Variants in SYNE1 observed in about 807,000 individuals in gnomAD.
The protein encoded by SYNE1 is spectrin repeat containing nuclear envelope protein 1, also known as nesprin-1.
A neutral mutation model predicts 1,111.0 loss-of-function variants in SYNE1; 616 were observed. The observed-to-expected ratio is 0.55, with a 90% CI of 0.52 to 0.59. The LOEUF (loss-of-function observed/expected upper bound fraction) is 0.59. Ranked by LOEUF, SYNE1 falls within the 20% of genes least tolerant of loss-of-function variation. The probability of loss-of-function intolerance (pLI) is 0.00; values close to 1 mark genes in which losing one functional copy is unlikely to be tolerated. For synonymous variants in SYNE1, 3,855 were observed against 3,825.8 expected (o/e 1.01, Z -0.28); for missense variants, 10,006 against 10,417.0 (o/e 0.96, Z 1.72).
In SYNE1 at chr6:152,463,508, G is replaced by C; in HGVS notation, c.1942C>G (p.Arg648Gly). Residue 648 changes from arginine to glycine, a missense_variant, in exon 19 of 146, where the codon CGA (arginine) becomes GGA (glycine). Coordinates refer to ENST00000367255, the MANE Select transcript of SYNE1 (RefSeq NM_182961.4). ...QSENAKKDFF[R>G]NLPHWIQQHT... ...TGCTGAATCCAATGAGGTAAATTTC[G>C]AAAAAAATCCTAAACAATAAATAAT... 1 of 1,612,428 alleles carries C rather than the reference G, an allele frequency of 6.2e-7. No homozygotes were observed. Among genetic ancestry groups the C allele is most frequent in the Non-Finnish European group, 8.5e-7 (1 of 1,179,124 alleles).
intron 40 of SYNE1, 145 bp downstream of exon 40, chr6:152,419,424 C>T (rs2098218613): frequency 1.1e-6 from 1 of 900,146 alleles, no homozygotes; most frequent in Admixed American, 2.8e-5. Flanking sequence ...AACTCATATG[C>T]TCAATTATTA....
rs564953616 is a variant in SYNE1, at chr6:152,406,914, G to T, written c.6723+100C>A. On this transcript the variant is annotated intron_variant, in intron 45 of 145. Transcript: ENST00000367255. ...TAATAAAATAAAATAAAAAATAAAA[G>T]TTAAAAGAAGAATAAACTTTTAAGA... 32 of 882,512 alleles carry T rather than the reference G, an allele frequency of 3.6e-5. No individual in the cohort carries two copies. The South Asian group carries it at 8.8e-4, about 24-fold the overall frequency. 54.7% of individuals were successfully genotyped at this position (882,512 alleles called of 1,614,324 possible).
At chr6:152,367,429 A>G (rs769425441) in intron 61 of SYNE1, 47 bp from the exon 62 acceptor site, 1 of 1,608,522 alleles carries the variant, frequency 6.2e-7, no homozygotes, top group South Asian at 1.1e-5. Context: ...CCACAGAGAC[A>G]AACTGCAAAG....
intron 93 of SYNE1, among the ~76,000 whole-genome samples, chr6:152,299,314 C>T (rs2095049238): frequency 6.6e-6 from 1 of 152,048 alleles, no homozygotes; most frequent in African/African-American, 2.4e-5. Context: ...CATCTGTAAC[C>T]ATAGGGAAGG....
At chr6:152,309,395 G>A (rs111684007) in intron 90 of SYNE1, among the ~76,000 whole-genome samples, 8 of 152,212 alleles carry the variant, frequency 5.3e-5, no homozygotes, top group African/African-American at 1.9e-4. Context: ...TAGGCAAAGA[G>A]ACTAAGAATT....
chr6:152,218,093 G>A (rs2079188559), intron 121 of SYNE1, among the ~76,000 whole-genome samples, 164 bp downstream of exon 121: 1 of 151,880 alleles, frequency 6.6e-6, no homozygotes, highest in Admixed American at 6.6e-5. Flanking sequence ...TACTCGGGAG[G>A]ATGAGGCAGA....
chr6:152,279,255 C>T (rs1209284211), intron 97 of SYNE1, among the ~76,000 whole-genome samples: 1 of 119,148 alleles, frequency 8.4e-6, no homozygotes, highest in East Asian at 2.4e-4. Flanking sequence ...AAACAAAAAA[C>T]AAAAAAGACT....
chr6:152,354,966 A>G lies in SYNE1; in HGVS notation c.10619T>C (p.Val3540Ala). ...TTLRDLQELQ[V>A]HCAEGQALLN... Reference sequence around the variant, plus strand: ...CAGGGCCTGCCCCTCTGCACAGTGTACCTGTAGCTCCTGCAGAGAAAAAGG... The same window carrying G: ...CAGGGCCTGCCCCTCTGCACAGTGTGCCTGTAGCTCCTGCAGAGAAAAAGG... Residue 3540 changes from valine (V) to alanine (A), a missense_variant, in exon 67 of 146, where the codon GTA becomes GCA. By Grantham distance (64) the Val-to-Ala change is moderately conservative (BLOSUM62 0). Coordinates refer to ENST00000367255, the MANE Select transcript of SYNE1 (RefSeq NM_182961.4). 2.5e-6 allele frequency: 4 copies of G among 1,613,972 alleles called. No homozygotes were observed. Among genetic ancestry groups the G allele is most frequent in the Non-Finnish European group, 3.4e-6 (4 of 1,180,032 alleles).
chr6:152,348,641 C>A (rs1415275613), intron 72 of SYNE1, among the ~76,000 whole-genome samples: 1 of 151,868 alleles, frequency 6.6e-6, no homozygotes, highest in Non-Finnish European at 1.5e-5. Flanking sequence ...GCTGAGGTTG[C>A]ACCATTGCAC....
chr6:152,168,204 T>A, intron 130 of SYNE1: 8 of 764,256 alleles, frequency 1.0e-5, no homozygotes, highest in Non-Finnish European at 1.7e-5. Flanking sequence ...GCCACCACCA[T>A]GAAGCTTCCA....
chr6:152,407,038 A>C lies in SYNE1; in HGVS notation c.6699T>G (p.Ala2233=). Residue 2233 remains alanine (A), a synonymous_variant, in exon 45 of 146, where the codon GCT becomes GCG. Coordinates refer to ENST00000367255, the MANE Select transcript of SYNE1 (RefSeq NM_182961.4). ...CCTCAAATTCTTTAAGCAGTTCTTC[A>C]GCTCTGAGGTGGTTATCCAGGTTGC... is the stretch of plus-strand genomic sequence containing the variant. The part of the protein sequence containing the change: ...NISNLDNHLR[A]EELLKEFESE... The C allele has an allele frequency of 6.2e-7, 1 of 1,613,432 alleles. No individual in the cohort carries two copies. The highest frequency in any genetic ancestry group is 8.5e-7 in the Non-Finnish European group (1 of 1,179,840).
chr6:152,373,336 G>A (rs1000810710), intron 58 of SYNE1, 117 bp from the exon 59 acceptor site: 11 of 945,388 alleles, frequency 1.2e-5, no homozygotes, highest in African/African-American at 8.4e-5. Flanking sequence ...CTGGAGTGCA[G>A]TAGTGCGATC....
intron 95 of SYNE1, among the ~76,000 whole-genome samples, chr6:152,290,292 C>G (rs2094538632): frequency 6.6e-6 from 1 of 152,170 alleles, no homozygotes; most frequent in Admixed American, 6.5e-5. Flanking sequence ...CATGGTGGCT[C>G]ACACCTGTAA....
chr6:152,309,731 C>T (rs1261138153), intron 90 of SYNE1, 104 bp downstream of exon 90: 18 of 1,458,686 alleles, frequency 1.2e-5, no homozygotes, highest in Non-Finnish European at 1.7e-5. Flanking sequence ...CTGTCAGATT[C>T]AACACCCTGG....
At chr6:152,595,962 A>G (rs2099579818) in intron 3 of SYNE1, among the ~76,000 whole-genome samples, 1 of 151,890 alleles carries the variant, frequency 6.6e-6, no homozygotes, top group Non-Finnish European at 1.5e-5. Context: ...ATGAGAAGAG[A>G]GATGGAGCTA....
At chr6:152,179,055 A>T (rs1234174515) in intron 129 of SYNE1, among the ~76,000 whole-genome samples, 1 of 151,884 alleles carries the variant, frequency 6.6e-6, no homozygotes, top group Non-Finnish European at 1.5e-5. Context: ...CCAGGACTAC[A>T]GGCATGTGCC....
intron 141 of SYNE1, among the ~76,000 whole-genome samples, chr6:152,135,748 T>C (rs560719184): frequency 4.4e-4 from 67 of 152,344 alleles, no homozygotes; most frequent in African/African-American, 1.5e-3. Context: ...CAAGGAACTA[T>C]TATATTACTC....
Position 152,498,737 on chromosome 6 carries a change from C to T in SYNE1, c.939+5G>A. 6.4e-7 allele frequency: 1 copy of T among 1,550,672 alleles called. No individual in the cohort carries two copies. Among genetic ancestry groups the T allele is most frequent in the Non-Finnish European group, 8.8e-7 (1 of 1,137,526 alleles). ...GTCATCAATGCAAGATTACTTAAATCTTACCTTAAAATTTTGTACAGAATT... is the reference window on the plus strand; with the variant it reads ...GTCATCAATGCAAGATTACTTAAATTTTACCTTAAAATTTTGTACAGAATT... On this transcript the variant is annotated splice_donor_5th_base_variant and intron_variant, in intron 11 of 145. Transcript: ENST00000367255.
In SYNE1 at chr6:152,498,773, G is replaced by T; in HGVS notation, c.908C>A (p.Pro303Gln). The T allele has an allele frequency of 6.5e-7, 1 of 1,549,524 alleles. No individual in the cohort carries two copies. The highest frequency in any genetic ancestry group is 8.8e-7 in the Non-Finnish European group (1 of 1,136,952). ...ATTTTGTACAGAATTTGCAAAAGAT[G>T]GGAAACCTGGAAGTATTTCCTAACA... ...QEDDEILPGF[P>Q]SFANSVQNFK... The change falls in exon 11 of 146, where the codon CCA (proline) becomes CAA (glutamine). Residue 303 changes from proline (P) to glutamine (Q), a missense_variant. By Grantham distance (76) the Pro-to-Gln change is moderately conservative (BLOSUM62 -1). Transcript: ENST00000367255.
Sources: allele counts gnomAD v4.1 joint callset (sites outside exome capture counted in the v4.1 genomes callset), GRCh38; gene constraint gnomAD v4.1.1; transcripts MANE v1.5; gene names NCBI Gene and HGNC (gene_info 2026-07-23, HGNC 2026-07-21).